RNF150: variants seen among roughly 807,000 people sequenced by gnomAD.
RNF150 encodes the protein ring finger protein 150.
RNF150 carries 24 observed loss-of-function variants against 39.3 expected under a neutral mutation model. The ratio of observed to expected loss-of-function variants is 0.61; its 90% confidence interval spans 0.44 to 0.86. The LOEUF is 0.86. RNF150 is among the 40% of genes least tolerant of loss of function. The probability of loss-of-function intolerance (pLI) is 0.00; values close to 1 mark genes in which losing one functional copy is unlikely to be tolerated. For synonymous variants in RNF150, 255 were observed against 227.3 expected, an observed-to-expected ratio of 1.12 and a Z score of -1.10; for missense variants, 502 against 587.8, an observed-to-expected ratio of 0.85 and a Z score of 1.51.
chr4:140,951,811 C>G (rs1732551265), intron 2 of RNF150, among the ~76,000 whole-genome samples: 1 of 152,040 alleles, frequency 6.6e-6, no homozygotes, highest in Non-Finnish European at 1.5e-5. Flanking sequence ...GAATAAGAAT[C>G]TGAATCCCAA....
chr4:141,181,915 C>CCTTG (rs1560771094), intron 1 of RNF150, among the ~76,000 whole-genome samples: 4 of 152,214 alleles, frequency 2.6e-5, no homozygotes, highest in Admixed American at 2.6e-4. Context: ...TTGGGATGTA[C>CCTTG]CTTGACTGGT....
At chr4:141,174,283 C>A (rs1159880845) in intron 1 of RNF150, among the ~76,000 whole-genome samples, 5 of 152,144 alleles carry the variant, frequency 3.3e-5, no homozygotes, top group Non-Finnish European at 7.3e-5. Flanking sequence ...TTCTTTGTCC[C>A]TCCCTCTATC....
intron 1 of RNF150, among the ~76,000 whole-genome samples, chr4:141,004,623 G>A (rs1734798172): frequency 6.6e-6 from 1 of 152,292 alleles, no homozygotes; most frequent in Admixed American, 6.5e-5. Context: ...ACAGGATTCT[G>A]ACCAATGACC....
intron 1 of RNF150, among the ~76,000 whole-genome samples, chr4:141,092,812 G>A (rs918348231): frequency 3.3e-5 from 5 of 151,174 alleles, no homozygotes; most frequent in Non-Finnish European, 7.4e-5. Context: ...AAAGCATTTG[G>A]CTTATCCATT....
chr4:140,951,375 T>C (rs1462158726), intron 2 of RNF150, among the ~76,000 whole-genome samples: 3 of 152,174 alleles, frequency 2.0e-5, no homozygotes, highest in Non-Finnish European at 2.9e-5. Flanking sequence ...TCTCTTATTC[T>C]GTGCCAAGTA....
At chr4:141,144,651 G>A (rs1727172310) in intron 1 of RNF150, among the ~76,000 whole-genome samples, 1 of 152,128 alleles carries the variant, frequency 6.6e-6, no homozygotes, top group Admixed American at 6.5e-5. Flanking sequence ...CCTCAGTGAG[G>A]AAAGGTAAAG....
In RNF150 at chr4:141,209,157, T is replaced by C. The variant is rs549778785; in HGVS notation, c.-6+3637A>G. On this transcript the variant is annotated intron_variant, in intron 1 of 7. Transcript: ENST00000420921. Reference sequence around the variant, plus strand: ...TGGCATAACAGCAAGAATATGCAGCTGAAGGACAAAGGCAAATTGCGTTTC... The same window carrying C: ...TGGCATAACAGCAAGAATATGCAGCCGAAGGACAAAGGCAAATTGCGTTTC... 1.7e-4 allele frequency among the ~76,000 whole-genome samples: 26 copies of C among 152,208 alleles called. No individual in the cohort carries two copies. In the South Asian group the frequency reaches 5.2e-3, roughly 30 times the overall value.
At chr4:140,952,176 G>T (rs1206241288) in intron 2 of RNF150, among the ~76,000 whole-genome samples, 2 of 151,842 alleles carry the variant, frequency 1.3e-5, no homozygotes, top group Admixed American at 1.3e-4. Flanking sequence ...ACGCCTGGCT[G>T]ATTTTTTTTT....
chr4:141,194,611 G>A (rs1253368054), intron 1 of RNF150, among the ~76,000 whole-genome samples: 1 of 152,110 alleles, frequency 6.6e-6, no homozygotes, highest in Non-Finnish European at 1.5e-5. Context: ...TTCAGGGTAG[G>A]GATGGGCTGT....
intron 1 of RNF150, among the ~76,000 whole-genome samples, chr4:141,107,435 G>A (rs773178723): frequency 3.9e-5 from 6 of 152,174 alleles, no homozygotes; most frequent in Non-Finnish European, 7.4e-5. Context: ...GTTCAAGGTA[G>A]CAAAGCTATT....
chr4:141,161,847 T>C (rs1281733730), intron 1 of RNF150, among the ~76,000 whole-genome samples: 2 of 152,218 alleles, frequency 1.3e-5, no homozygotes, highest in Admixed American at 6.5e-5. Flanking sequence ...CAGAGTACAA[T>C]TGCTGAGGCT....
intron 1 of RNF150, among the ~76,000 whole-genome samples, chr4:141,102,550 T>C (rs982204765): frequency 9.2e-5 from 14 of 152,274 alleles, no homozygotes; most frequent in Non-Finnish European, 1.8e-4. Context: ...TTAGGAAATT[T>C]CTACATAAGA....
chr4:141,096,194 T>C (rs796600367), intron 1 of RNF150, among the ~76,000 whole-genome samples: 5 of 75,530 alleles, frequency 6.6e-5, no homozygotes, highest in African/African-American at 1.4e-4. Context: ...AGCTTTCTTT[T>C]TTTTTTTTTT....
chr4:140,995,437 T>C (rs1380739799), intron 1 of RNF150, among the ~76,000 whole-genome samples: 2 of 151,878 alleles, frequency 1.3e-5, no homozygotes, highest in Non-Finnish European at 2.9e-5. Context: ...GTGTAGATTA[T>C]GCAGAAATTT....
intron 6 of RNF150, among the ~76,000 whole-genome samples, chr4:140,910,732 C>A (rs1318362214): frequency 7.9e-5 from 12 of 152,094 alleles, no homozygotes; most frequent in Admixed American, 7.9e-4. Flanking sequence ...TACACACATG[C>A]GAGCATGCGC....
chr4:141,138,265 GTAT>G (rs1727058438), upstream of RNF150, among the ~76,000 whole-genome samples: 1 of 152,100 alleles, frequency 6.6e-6, no homozygotes, highest in African/African-American at 2.4e-5. Context: ...GGTTTGATCT[GTAT>G]TATATTTTTC....
chr4:140,932,443 A>T (rs1409453179), intron 4 of RNF150, among the ~76,000 whole-genome samples: 5 of 152,210 alleles, frequency 3.3e-5, no homozygotes, highest in African/African-American at 1.2e-4. Context: ...GCTGAAGCTC[A>T]TTAAAGTAAA....
intron 1 of RNF150, among the ~76,000 whole-genome samples, chr4:141,059,444 T>C (rs576553170): frequency 3.9e-5 from 6 of 152,340 alleles, no homozygotes; most frequent in South Asian, 2.1e-4. Flanking sequence ...CATAAAGTCA[T>C]ATACATTTTT....
chr4:140,910,726 C>T (rs1325670257), intron 6 of RNF150, among the ~76,000 whole-genome samples: 1 of 152,204 alleles, frequency 6.6e-6, no homozygotes, highest in Admixed American at 6.5e-5. Context: ...TGTGTGTACA[C>T]ACATGCGAGC....
Sources: allele counts gnomAD v4.1 joint callset (sites outside exome capture counted in the v4.1 genomes callset), GRCh38; gene constraint gnomAD v4.1.1; transcripts MANE v1.5; gene names NCBI Gene and HGNC (gene_info 2026-07-23, HGNC 2026-07-21).